PLXNC1: variants seen among roughly 807,000 people sequenced by gnomAD.
PLXNC1 encodes the protein plexin-C1.
A neutral mutation model predicts 178.2 loss-of-function variants in PLXNC1; 75 were observed. The observed-to-expected ratio is 0.42, with a 90% CI of 0.35 to 0.51. The LOEUF (loss-of-function observed/expected upper bound fraction) is 0.51. PLXNC1 is among the 20% of genes least tolerant of loss of function. The probability of loss-of-function intolerance (pLI) is 0.02; values close to 1 mark genes in which losing one functional copy is unlikely to be tolerated. For missense variants in PLXNC1, 1,503 were observed against 1,984.4 expected, an observed-to-expected ratio of 0.76 and a Z score of 4.61; for synonymous variants, 790 against 779.9, an observed-to-expected ratio of 1.01 and a Z score of -0.22.
intron 3 of PLXNC1, among the ~76,000 whole-genome samples, chr12:94,183,445 T>C (rs753588124): frequency 8.5e-5 from 13 of 152,220 alleles, no homozygotes; most frequent in Non-Finnish European, 1.5e-4. Flanking sequence ...GAAAGACTTT[T>C]GTCTACCCAA....
intron 7 of PLXNC1, among the ~76,000 whole-genome samples, chr12:94,226,150 C>A (rs554781366): frequency 1.3e-5 from 2 of 152,222 alleles, no homozygotes; most frequent in African/African-American, 4.8e-5. Context: ...ACAGGCACCT[C>A]GTTGCCTCTG....
Position 94,248,082 on chromosome 12 carries a change from C to A in PLXNC1, c.2568C>A (p.Asp856Glu). The change falls in exon 13 of 31, where the codon GAC becomes GAA. Residue 856 changes from aspartate to glutamate, a missense_variant. Asp to Glu is a conservative substitution (Grantham distance 45). Around this residue, in one of 4 missense-constraint regions of PLXNC1, gnomAD observed 639 missense variants for 979.7 expected, o/e 0.65. Coordinates refer to ENST00000258526, the MANE Select transcript of PLXNC1 (RefSeq NM_005761.3). Reference protein sequence around the residue: ...FTGYRVESEVDTELEVKIQKE... With the variant: ...FTGYRVESEVETELEVKIQKE... ...GGTATCGGGTGGAATCCGAGGTGGA[C>A]ACAGAACTGGAAGTGAAAATTCAAG... 1 of 1,613,986 alleles carries A rather than the reference C, an allele frequency of 6.2e-7. No homozygotes were observed. Among genetic ancestry groups the A allele is most frequent in the Non-Finnish European group, 8.5e-7 (1 of 1,179,952 alleles).
At chr12:94,197,971 CATTTAACAGGT>C (rs1392247493) in intron 4 of PLXNC1, among the ~76,000 whole-genome samples, 1 of 152,172 alleles carries the variant, frequency 6.6e-6, no homozygotes, top group Non-Finnish European at 1.5e-5. Flanking sequence ...ACCATGCATT[CATTTAACAGGT>C]ATTTACTGAG....
At chr12:94,289,330 A>G (rs1049343447) in intron 23 of PLXNC1, among the ~76,000 whole-genome samples, 1 of 152,158 alleles carries the variant, frequency 6.6e-6, no homozygotes, top group Non-Finnish European at 1.5e-5. Context: ...GGTGGCCCCA[A>G]TTCCCCTCCA....
chr12:94,267,384 A>G (rs577627814), intron 21 of PLXNC1, among the ~76,000 whole-genome samples: 62 of 152,166 alleles, frequency 4.1e-4, no homozygotes, highest in Non-Finnish European at 5.7e-4. Context: ...AATTAAGACC[A>G]TGTGTTTCTG....
At chr12:94,301,535 T>C (rs1342520893) in intron 28 of PLXNC1, among the ~76,000 whole-genome samples, 2 of 152,198 alleles carry the variant, frequency 1.3e-5, no homozygotes, top group Non-Finnish European at 2.9e-5. Flanking sequence ...TCCTATGGTT[T>C]TCTTTGCTGA....
At chr12:94,169,029 T>C (rs988122957) in intron 1 of PLXNC1, 124 bp from the exon 2 acceptor site, 19 of 850,130 alleles carry the variant, frequency 2.2e-5, no homozygotes, top group African/African-American at 5.1e-5. Flanking sequence ...TCTAAGAGAA[T>C]ATATGTGGGG....
chr12:94,210,251 A>G (rs3843643), intron 5 of PLXNC1, among the ~76,000 whole-genome samples: 150,096 of 152,344 alleles, frequency 0.99, 73,958 homozygotes, highest in East Asian at 1. Context: ...AAGCCAGTGG[A>G]CCCTTGCTAT....
intron 26 of PLXNC1, among the ~76,000 whole-genome samples, 172 bp downstream of exon 26, chr12:94,297,595 A>G (rs1436521949): frequency 1.3e-5 from 2 of 152,210 alleles, no homozygotes; most frequent in Non-Finnish European, 2.9e-5. Context: ...CTTTTTATAC[A>G]CTACAAAGAT....
chr12:94,177,097 ATATATGTGTG>A, intron 2 of PLXNC1, among the ~76,000 whole-genome samples: 1 of 142,690 alleles, frequency 7.0e-6, no homozygotes, highest in African/African-American at 2.6e-5. Flanking sequence ...ATGTGTATAT[ATATATGTGTG>A]TGTGTATATA....
chr12:94,300,421 T>C (rs2136226264), intron 27 of PLXNC1, among the ~76,000 whole-genome samples: 1 of 152,132 alleles, frequency 6.6e-6, no homozygotes, highest in East Asian at 1.9e-4. Context: ...GCTTGGCCCA[T>C]ATGAAAAATA....
At chr12:94,194,988 A>G (rs1369223646) in intron 4 of PLXNC1, among the ~76,000 whole-genome samples, 1 of 152,052 alleles carries the variant, frequency 6.6e-6, no homozygotes, top group Non-Finnish European at 1.5e-5. Context: ...CACCAGGGGA[A>G]GAGTGGTCGG....
intron 4 of PLXNC1, among the ~76,000 whole-genome samples, chr12:94,192,220 G>T (rs1449441400): frequency 6.6e-6 from 1 of 152,206 alleles, no homozygotes; most frequent in Non-Finnish European, 1.5e-5. Context: ...TAGCTAGGTA[G>T]TATTGAGAGA....
chr12:94,172,834 T>C (rs1052486676), intron 2 of PLXNC1, among the ~76,000 whole-genome samples: 4 of 152,166 alleles, frequency 2.6e-5, no homozygotes, highest in Non-Finnish European at 4.4e-5. Context: ...CCTCCAAAGG[T>C]AAGATTTCAC....
Position 94,240,675 on chromosome 12 carries a change from G to T in PLXNC1, c.2300+11G>T. 1 of 1,593,786 alleles carries T rather than the reference G, an allele frequency of 6.3e-7. No individual in the cohort carries two copies. Among genetic ancestry groups the T allele is most frequent in the Non-Finnish European group, 8.6e-7 (1 of 1,165,870 alleles). On this transcript the variant is annotated intron_variant, in intron 11 of 30. Coordinates refer to ENST00000258526, the MANE Select transcript of PLXNC1 (RefSeq NM_005761.3). ...TACCACCTGGATCAGGTACTTTCTA[G>T]ATTCATAATCTTTTTCTCATTGTGG... is the stretch of plus-strand genomic sequence containing the variant.
intron 2 of PLXNC1, among the ~76,000 whole-genome samples, chr12:94,177,151 ATATATATATG>A (rs1962094432): frequency 4.1e-5 from 2 of 48,242 alleles, no homozygotes; most frequent in Admixed American, 2.0e-4. Context: ...GTGTGTGTGT[ATATATATATG>A]TATATATATA....
rs1969059063 is a variant in PLXNC1, at chr12:94,306,714, AAATATGAATTTGTCTTAAAGGC to A, written c.*1433_*1454del. 6.6e-6 allele frequency: 1 copy of A among 152,242 alleles called. No individual in the cohort carries two copies. The highest frequency in any genetic ancestry group is 2.4e-5 in the African/African-American group (1 of 41,464). The allele number at this position is 152,242 out of a possible 1,614,324, so 9.4% of individuals were successfully genotyped here. A position where few individuals can be genotyped will look rare whatever the true frequency, so the allele number is the denominator to read the frequency against. On this transcript the variant is annotated 3_prime_UTR_variant, in exon 31 of 31. Transcript: ENST00000258526. ...AACACTGTATGGAGCATTAGGATTT[AAATATGAATTTGTCTTAAAGGC>A]AATTCCTTTTTGCTTCTGTATTATC...
At chr12:94,257,336 G>A (rs1357769014) in intron 17 of PLXNC1, among the ~76,000 whole-genome samples, 2 of 152,152 alleles carry the variant, frequency 1.3e-5, no homozygotes, top group Non-Finnish European at 2.9e-5. Flanking sequence ...TCTGCCTGTC[G>A]GTTTTGGCTT....
At chr12:94,215,397 T>A (rs2136011805) in intron 5 of PLXNC1, among the ~76,000 whole-genome samples, 1 of 152,312 alleles carries the variant, frequency 6.6e-6, no homozygotes, top group East Asian at 1.9e-4. Context: ...TTTCTTGATT[T>A]CATGTAATTC....
Sources: allele counts gnomAD v4.1 joint callset (sites outside exome capture counted in the v4.1 genomes callset), GRCh38; gene constraint gnomAD v4.1.1; regional missense constraint gnomAD v4.1.1; transcripts MANE v1.5; gene names NCBI Gene and HGNC (gene_info 2026-07-23, HGNC 2026-07-21).